EDAR: variants seen among roughly 807,000 people sequenced by gnomAD.
EDAR encodes ectodysplasin A receptor.
A neutral mutation model predicts 51.3 loss-of-function variants in EDAR; 38 were observed. That is an observed-to-expected ratio of 0.74 (90% CI 0.57 to 0.97). EDAR has a LOEUF of 0.97. EDAR is among the 50% of genes least tolerant of loss of function. The pLI, the probability that EDAR is intolerant of heterozygous loss-of-function variation, is 0.00. For missense variants in EDAR, 528 were observed against 595.0 expected, an observed-to-expected ratio of 0.89 and a Z score of 1.17; for synonymous variants, 227 against 242.1, an observed-to-expected ratio of 0.94 and a Z score of 0.58.
rs6710980 is a variant in EDAR at position 108,979,605 on chromosome 2, G to C, written c.-19+9355C>G. Among the ~76,000 whole-genome samples, 1,500 of 152,222 alleles carry C rather than the reference G, an allele frequency of 9.9e-3. 14 individuals carry two copies. Among genetic ancestry groups the C allele is most frequent in the Middle Eastern group, 0.034 (10 of 294 alleles). The stretch of plus-strand genomic sequence containing the variant: ...GGACTTGGAGACCCTGAGCCATGCT[G>C]CTGAGGTGCAGGGCTGTGGAGAAGA... On this transcript the variant is annotated intron_variant, in intron 1 of 11. Coordinates refer to ENST00000258443, the MANE Select transcript of EDAR (RefSeq NM_022336.4).
chr2:108,933,481 G>T (rs1170787313), intron 1 of EDAR, among the ~76,000 whole-genome samples: 1 of 152,164 alleles, frequency 6.6e-6, no homozygotes, highest in Non-Finnish European at 1.5e-5. Flanking sequence ...CAGTGGTCCT[G>T]GGTCTTTCCT....
At chr2:108,975,000 A>G (rs1252637759) in intron 1 of EDAR, among the ~76,000 whole-genome samples, 1 of 152,210 alleles carries the variant, frequency 6.6e-6, no homozygotes, top group East Asian at 1.9e-4. Context: ...GCCATTCTGC[A>G]AGTCCCCTCA....
chr2:108,913,881 C>T (rs1696978770), intron 5 of EDAR, among the ~76,000 whole-genome samples: 2 of 140,464 alleles, frequency 1.4e-5, no homozygotes, highest in South Asian at 2.3e-4. Flanking sequence ...ACCCAGGAGG[C>T]GGAGCTTGCA....
intron 1 of EDAR, among the ~76,000 whole-genome samples, chr2:108,940,733 C>T (rs757028447): frequency 6.6e-6 from 1 of 152,244 alleles, no homozygotes; most frequent in Non-Finnish European, 1.5e-5. Flanking sequence ...ACGGGGCAGG[C>T]TTCCAGGGGC....
At chr2:108,909,931 T>C (rs1387080981) in intron 9 of EDAR, among the ~76,000 whole-genome samples, 1 of 152,154 alleles carries the variant, frequency 6.6e-6, no homozygotes, top group African/African-American at 2.4e-5. Context: ...CATACCTCAG[T>C]GTGGTATCCT....
chr2:108,907,763 G>A lies in EDAR; in HGVS notation c.963+97C>T, dbSNP rs1696838842. The stretch of plus-strand genomic sequence containing the variant: ...CTTGGACTTCTGGGAGAAACACCCC[G>A]TCTTGCAGGAGAGCTGATTCAATAA... On this transcript the variant is annotated intron_variant, in intron 10 of 11. Transcript: ENST00000258443. The A allele has an allele frequency of 2.2e-5, 31 of 1,424,560 alleles. No individual in the cohort carries two copies. In the Middle Eastern group the frequency reaches 7.0e-4, roughly 32 times the overall value. 88.2% of individuals were successfully genotyped at this position (1,424,560 alleles called of 1,614,324 possible).
At chr2:108,980,462 AAT>A (rs892766768) in intron 1 of EDAR, among the ~76,000 whole-genome samples, 2 of 151,966 alleles carry the variant, frequency 1.3e-5, no homozygotes, top group Non-Finnish European at 2.9e-5. Flanking sequence ...TCTAGGTTCA[AAT>A]ATATATATAT....
At chr2:108,942,369 A>G (rs1697619286) in intron 1 of EDAR, among the ~76,000 whole-genome samples, 1 of 152,204 alleles carries the variant, frequency 6.6e-6, no homozygotes, top group Non-Finnish European at 1.5e-5. Context: ...GCCAAGAGAA[A>G]GGCTGGCGAT....
chr2:108,919,865 TTCCCAGCCCTGGA>T (rs1284439363), intron 5 of EDAR, among the ~76,000 whole-genome samples: 1 of 152,224 alleles, frequency 6.6e-6, no homozygotes, highest in Non-Finnish European at 1.5e-5. Flanking sequence ...CGTAGCTGAC[TTCCCAGCCCTGGA>T]TCTCTCCGCC....
At chr2:108,982,116 G>A (rs1574417281) in intron 1 of EDAR, among the ~76,000 whole-genome samples, 1 of 152,270 alleles carries the variant, frequency 6.6e-6, no homozygotes, top group Non-Finnish European at 1.5e-5. Context: ...AATGCTTTAG[G>A]CCATGAGAAT....
At chr2:108,930,355 T>C (rs951155880) in intron 2 of EDAR, 113 bp from the exon 3 acceptor site, 4 of 1,208,578 alleles carry the variant, frequency 3.3e-6, no homozygotes. Context: ...GGGGCTCTGC[T>C]GGGGGCTCGG....
chr2:108,910,094 G>C (rs990721099), intron 9 of EDAR, among the ~76,000 whole-genome samples: 7 of 152,228 alleles, frequency 4.6e-5, no homozygotes, highest in African/African-American at 1.7e-4. Flanking sequence ...AGCAGTACTG[G>C]CACCGGCACG....
chr2:108,947,362 T>G (rs1435956184), intron 1 of EDAR, among the ~76,000 whole-genome samples: 3 of 152,138 alleles, frequency 2.0e-5, no homozygotes, highest in Non-Finnish European at 4.4e-5. Context: ...TGTCGGTGGA[T>G]CTACCATTCT....
intron 1 of EDAR, among the ~76,000 whole-genome samples, chr2:108,967,549 G>A (rs771901744): frequency 1.3e-5 from 2 of 152,088 alleles, no homozygotes; most frequent in Non-Finnish European, 1.5e-5. Context: ...TGCACAACAA[G>A]TGACTTCCTA....
At chr2:108,972,928 A>C (rs1219712030) in intron 1 of EDAR, among the ~76,000 whole-genome samples, 2 of 152,222 alleles carry the variant, frequency 1.3e-5, no homozygotes, top group African/African-American at 4.8e-5. Context: ...CTGTGCTCCA[A>C]GTCCAAAGAA....
intron 5 of EDAR, among the ~76,000 whole-genome samples, chr2:108,913,170 C>T (rs1325835128): frequency 1.3e-5 from 2 of 152,028 alleles, no homozygotes; most frequent in East Asian, 1.9e-4. Flanking sequence ...AGGATGGGCT[C>T]GATCTCCTGA....
At chr2:108,907,196 G>A (rs1696822804) in intron 10 of EDAR, among the ~76,000 whole-genome samples, 1 of 152,214 alleles carries the variant, frequency 6.6e-6, no homozygotes. Flanking sequence ...ATGCATAGAA[G>A]AAAAACGTTG....
intron 1 of EDAR, among the ~76,000 whole-genome samples, chr2:108,940,764 G>A (rs892128363): frequency 6.6e-6 from 1 of 152,256 alleles, no homozygotes; most frequent in Non-Finnish European, 1.5e-5. Context: ...AATGATGAGA[G>A]TGGTGTTCTC....
chr2:108,979,120 C>T (rs1389481018), intron 1 of EDAR, among the ~76,000 whole-genome samples: 1 of 152,172 alleles, frequency 6.6e-6, no homozygotes, highest in Non-Finnish European at 1.5e-5. Flanking sequence ...GTGGAAACAT[C>T]TGAGGATGCC....
Sources: allele counts gnomAD v4.1 joint callset (sites outside exome capture counted in the v4.1 genomes callset), GRCh38; gene constraint gnomAD v4.1.1; transcripts MANE v1.5; gene names NCBI Gene and HGNC (gene_info 2026-07-23, HGNC 2026-07-21).